The following ADGRF1 variants were observed in gnomAD, a reference collection of about 807,000 sequenced individuals.
The protein encoded by ADGRF1 is adhesion G protein-coupled receptor F1, also known as G protein-coupled receptor 110.
ADGRF1 carries 85 observed loss-of-function variants against 87.2 expected under a neutral mutation model. The observed-to-expected ratio is 0.97, with a 90% CI of 0.82 to 1.17. The LOEUF (loss-of-function observed/expected upper bound fraction) is 1.17. ADGRF1 is among the 50% of genes most tolerant of loss of function. The pLI, the probability that ADGRF1 is intolerant of heterozygous loss-of-function variation, is 0.00. For synonymous variants in ADGRF1, 430 were observed against 408.8 expected (o/e 1.05, Z -0.63); for missense variants, 1,169 against 1,077.2 (o/e 1.09, Z -1.19).
In ADGRF1 at chr6:47,016,726, G is replaced by A. The variant is rs770986386; in HGVS notation, c.654C>T (p.Ser218=). The change falls in exon 8 of 15, where the codon AGC becomes AGT. Residue 218 remains serine (S), a synonymous_variant. Coordinates refer to ENST00000371253, the MANE Select transcript of ADGRF1 (RefSeq NM_153840.4). ...IVAGYEVVGS[S]SASELLSAIE... ...TGGCTGACAGCAGTTCAGATGCACT[G>A]CTGGAGCCAACAACTTCATACCCAG... is the stretch of plus-strand genomic sequence containing the variant. 5 of 1,604,568 alleles carry A rather than the reference G, an allele frequency of 3.1e-6. No homozygotes were observed. The South Asian group carries it at 4.4e-5, about 14-fold the overall frequency.
intron 5 of ADGRF1, 28 bp from the exon 6 acceptor site, chr6:47,022,086 A>G (rs1197733247): frequency 9.4e-6 from 12 of 1,270,562 alleles, no homozygotes; most frequent in Non-Finnish European, 1.3e-5. Context: ...AAGTTTATAG[A>G]CATAATAAAT....
intron 9 of ADGRF1, 112 bp downstream of exon 9, chr6:47,014,569 C>T: frequency 2.0e-6 from 3 of 1,501,084 alleles, no homozygotes; most frequent in Non-Finnish European, 2.7e-6. Context: ...TCTTTGCATA[C>T]TGGCCAATGA....
Position 47,016,641 on chromosome 6 carries a change from C to T in ADGRF1, c.739G>A (p.Gly247Ser), listed in dbSNP as rs1019199828. ...ALHKLFPLED[G>S]SFRVFGKAQC... ...CCTTTTCCGAACACTCTGAAAGAGC[C>T]GTCTTCTAATGGAAACAGCTTGTGA... Residue 247 changes from glycine to serine, a missense_variant, in exon 8 of 15, where the codon GGC (glycine) becomes AGC (serine). Transcript: ENST00000371253. 6 of 1,609,180 alleles carry T rather than the reference C, an allele frequency of 3.7e-6. No homozygotes were observed. The Admixed American group carries it at 5.0e-5, about 13-fold the overall frequency.
intron 13 of ADGRF1, among the ~76,000 whole-genome samples, chr6:47,002,517 C>A (rs965122753): frequency 7.9e-5 from 12 of 152,270 alleles, no homozygotes; most frequent in African/African-American, 2.9e-4. Flanking sequence ...GGTCAGGGAT[C>A]ATGGCACTTA....
At chr6:47,039,827 T>C (rs1349848074) in intron 1 of ADGRF1, among the ~76,000 whole-genome samples, 2 of 152,112 alleles carry the variant, frequency 1.3e-5, no homozygotes, top group East Asian at 3.9e-4. Context: ...CCAGGCGTAG[T>C]GGCAGATGCC....
At chr6:47,018,397 CTCAAAT>C (rs1385364977) in intron 7 of ADGRF1, 2 of 1,276,316 alleles carry the variant, frequency 1.6e-6, no homozygotes, top group African/African-American at 3.1e-5. Context: ...AGTTCCGCAG[CTCAAAT>C]TCTTACTACA....
In ADGRF1 at chr6:47,020,655, A is replaced by G. The variant is rs991029705; in HGVS notation, c.611+76T>C. 45 of 1,588,018 alleles carry G rather than the reference A, an allele frequency of 2.8e-5. No homozygotes were observed. In the Middle Eastern group the frequency reaches 5.0e-4, roughly 18 times the overall value. On this transcript the variant is annotated intron_variant, in intron 7 of 14. Transcript: ENST00000371253. ...GTCCTGTTTTCTGTCAGGGTCACCTAAAAACAGCACTCTGCCTTTTGCAGA... is the reference window on the plus strand; with the variant it reads ...GTCCTGTTTTCTGTCAGGGTCACCTGAAAACAGCACTCTGCCTTTTGCAGA...
At chr6:47,029,170 A>C (rs1780337136) in intron 1 of ADGRF1, 66 bp from the exon 2 acceptor site, 1 of 892,786 alleles carries the variant, frequency 1.1e-6, no homozygotes, top group African/African-American at 1.6e-5. Context: ...AAAATGTAAA[A>C]ATGCACAAAG....
chr6:47,015,754 ATT>A (rs66570376), intron 8 of ADGRF1, among the ~76,000 whole-genome samples: 461 of 142,132 alleles, frequency 3.2e-3, no homozygotes, highest in Middle Eastern at 3.5e-3. Flanking sequence ...CGCCTGGCTA[ATT>A]TTTTTTTTTT....
chr6:47,023,096 T>C (rs867268795), intron 5 of ADGRF1, among the ~76,000 whole-genome samples: 14 of 152,326 alleles, frequency 9.2e-5, no homozygotes, highest in South Asian at 6.2e-4. Context: ...ATTACAAGTG[T>C]AAGCCACTGT....
At chr6:47,003,134 G>A (rs1448720550) in intron 13 of ADGRF1, among the ~76,000 whole-genome samples, 1 of 151,236 alleles carries the variant, frequency 6.6e-6, no homozygotes, top group Non-Finnish European at 1.5e-5. Flanking sequence ...TGAAAAACTA[G>A]TTGAGGTTAT....
chr6:47,024,016 C>A, intron 5 of ADGRF1, 28 bp downstream of exon 5: 2 of 1,602,302 alleles, frequency 1.2e-6, no homozygotes, highest in Non-Finnish European at 1.7e-6. Flanking sequence ...GGGAGAAGCC[C>A]CAGCCCAGAG....
rs1582129841 is a variant in ADGRF1 at position 47,000,286 on chromosome 6, G to A, written c.2669C>T (p.Ala890Val). ...GGAGGAATCTCCAGTATGAGAAAAT[G>A]CATAATGGCCTGAAGGGGAAAAAAA... is the stretch of plus-strand genomic sequence containing the variant. ...FNPLQNKGHY[A>V]FSHTGDSSDN... The change falls in exon 15 of 15, where the codon GCA becomes GTA. Residue 890 changes from alanine (A) to valine (V), a missense_variant. Coordinates refer to ENST00000371253, the MANE Select transcript of ADGRF1 (RefSeq NM_153840.4). 3.8e-6 allele frequency: 6 copies of A among 1,597,472 alleles called. No individual in the cohort carries two copies. The South Asian group carries it at 5.6e-5, about 15-fold the overall frequency.
rs1300205798 is a variant in ADGRF1 at position 46,999,874 on chromosome 6, C to G, written c.*348G>C. 1 of 163,682 alleles carries G rather than the reference C, an allele frequency of 6.1e-6. No individual in the cohort carries two copies. The highest frequency in any genetic ancestry group is 1.3e-5 in the Non-Finnish European group (1 of 75,884). The allele number at this position is 163,682 out of a possible 1,614,324, so 10.1% of individuals were successfully genotyped here. On this transcript the variant is annotated 3_prime_UTR_variant, in exon 15 of 15. Transcript: ENST00000371253. ...ATCTAAAGCTATTTCATAAAATTTT[C>G]TTCCTTCAATCCAGATTATTGGAAA... is the stretch of plus-strand genomic sequence containing the variant.
intron 4 of ADGRF1, among the ~76,000 whole-genome samples, chr6:47,025,540 G>A (rs1160664082): frequency 1.3e-5 from 2 of 152,084 alleles, no homozygotes; most frequent in African/African-American, 4.8e-5. Context: ...AAAAGTTGTT[G>A]GCAGAGTTAC....
chr6:47,014,189 G>T (rs1421006022), intron 9 of ADGRF1: 1 of 921,276 alleles, frequency 1.1e-6, no homozygotes, highest in Non-Finnish European at 1.3e-6. Context: ...GCAAAATGAG[G>T]TTGGTAAACC....
rs1779720494 is a variant in ADGRF1 at position 47,011,990 on chromosome 6, G to A, written c.1116+17C>T. 1 of 1,604,722 alleles carries A rather than the reference G, an allele frequency of 6.2e-7. No homozygotes were observed. Among genetic ancestry groups the A allele is most frequent in the African/African-American group, 1.3e-5 (1 of 74,908 alleles). ...CAAGCATTTAAAGTGAGCCCTTCAA[G>A]CACAGGCAGACCATACCTCCATTGT... On this transcript the variant is annotated intron_variant, in intron 10 of 14. Coordinates refer to ENST00000371253, the MANE Select transcript of ADGRF1 (RefSeq NM_153840.4).
chr6:47,019,176 A>T, intron 7 of ADGRF1: 1 of 575,616 alleles, frequency 1.7e-6, no homozygotes, highest in Non-Finnish European at 2.2e-6. Flanking sequence ...AGCTTATAAG[A>T]TATGCATGAT....
At position 47,005,924 on chromosome 6, in the gene ADGRF1, C is replaced by T. The variant is rs778689711; in HGVS notation, c.2533-48G>A. ...TTGAGGAGATACACATACAATCATACACAGACAAATCAAGAACAACTGCAG... is the reference window on the plus strand; with the variant it reads ...TTGAGGAGATACACATACAATCATATACAGACAAATCAAGAACAACTGCAG... On this transcript the variant is annotated intron_variant, in intron 12 of 14. Transcript: ENST00000371253. 5 of 1,276,260 alleles carry T rather than the reference C, an allele frequency of 3.9e-6. No individual in the cohort carries two copies. The South Asian group carries it at 6.5e-5, about 17-fold the overall frequency. 79.1% of individuals were successfully genotyped at this position (1,276,260 alleles called of 1,614,324 possible).
Sources: allele counts gnomAD v4.1 joint callset (sites outside exome capture counted in the v4.1 genomes callset), GRCh38; gene constraint gnomAD v4.1.1; transcripts MANE v1.5; gene names NCBI Gene and HGNC (gene_info 2026-07-23, HGNC 2026-07-21).